SPEF2: variants seen among roughly 807,000 people sequenced by gnomAD.
SPEF2 encodes sperm flagellar and cilia associated 2.
In SPEF2, 187 loss-of-function variants were observed where a neutral mutation model predicts 224.6. The observed-to-expected ratio is 0.83, with a 90% CI of 0.74 to 0.94. The LOEUF is 0.94. Ranked by LOEUF, SPEF2 falls within the 40% of genes least tolerant of loss-of-function variation. SPEF2 has a pLI of 0.00. For synonymous variants in SPEF2, 715 were observed against 707.3 expected (o/e 1.01, Z -0.17); for missense variants, 2,170 against 2,135.6 (o/e 1.02, Z -0.32).
chr5:35,707,134 C>T (rs1739932972), intron 18 of SPEF2, among the ~76,000 whole-genome samples: 1 of 152,128 alleles, frequency 6.6e-6, no homozygotes, highest in East Asian at 1.9e-4. Context: ...TAGCCCAGTG[C>T]TCTGTATTAA....
chr5:35,724,162 T>C (rs1350944023), intron 20 of SPEF2, among the ~76,000 whole-genome samples: 1 of 152,210 alleles, frequency 6.6e-6, no homozygotes, highest in Non-Finnish European at 1.5e-5. Context: ...AAGAAGTGTT[T>C]TGTTAAGAAC....
chr5:35,762,134 AATT>A (rs1376284834), intron 25 of SPEF2, among the ~76,000 whole-genome samples: 1 of 152,210 alleles, frequency 6.6e-6, no homozygotes, highest in Non-Finnish European at 1.5e-5. Flanking sequence ...TTATCATAAT[AATT>A]ATTATATTTG....
rs757526943 is a variant in SPEF2 at position 35,759,692 on chromosome 5, G to A, written c.3593G>A (p.Ser1198Asn). 2 of 1,597,856 alleles carry A rather than the reference G, an allele frequency of 1.3e-6. No homozygotes were observed. Among genetic ancestry groups the A allele is most frequent in the South Asian group, 1.1e-5 (1 of 88,652 alleles). The change falls in exon 25 of 37, where the codon AGT becomes AAT. Residue 1198 changes from serine (S) to asparagine (N), a missense_variant. Coordinates refer to ENST00000356031, the MANE Select transcript of SPEF2 (RefSeq NM_024867.4). ...CGAATCCCTTTGGTCCAACTGGATA[G>A]TAAAGACAATTCTGAAAGCCAGCTT... ...FTRIPLVQLD[S>N]KDNSESQLRI... is the part of the protein sequence containing the mutation.
rs375905885 is a variant in SPEF2, at chr5:35,700,729, T to C, written c.2375T>C (p.Met792Thr). 1.2e-5 allele frequency: 19 copies of C among 1,613,832 alleles called. No individual in the cohort carries two copies. The African/African-American group carries it at 2.3e-4, about 19-fold the overall frequency. The change falls in exon 16 of 37, where the codon ATG (methionine) becomes ACG (threonine). Residue 792 changes from methionine (M) to threonine (T), a missense_variant. Physicochemically the swap from Met to Thr is moderately conservative, Grantham distance 81. Coordinates refer to ENST00000356031, the MANE Select transcript of SPEF2 (RefSeq NM_024867.4). ...ILLDVSDTSS[M>T]SRMNDIIAEE... ...TTAGATGTTTCAGATACTTCCTCAA[T>C]GAGTCGCATGAATGATATTATAGGT...
intron 34 of SPEF2, among the ~76,000 whole-genome samples, chr5:35,806,480 C>T (rs1180224631): frequency 6.6e-6 from 1 of 152,116 alleles, no homozygotes; most frequent in Non-Finnish European, 1.5e-5. Context: ...TAGGACACAC[C>T]CCACACTATA....
chr5:35,697,643 G>A (rs1324346383), intron 14 of SPEF2, 47 bp from the exon 15 acceptor site: 6 of 1,479,436 alleles, frequency 4.1e-6, no homozygotes, highest in Non-Finnish European at 4.7e-6. Flanking sequence ...TTTGGAATTT[G>A]ACTTTTAAAT....
rs201437642 is a variant in SPEF2, at chr5:35,691,067, G to T, written c.1555G>T (p.Glu519Ter). 8.1e-6 allele frequency: 13 copies of T among 1,613,834 alleles called. No homozygotes were observed. Among genetic ancestry groups the T allele is most frequent in the Non-Finnish European group, 1.0e-5 (12 of 1,179,936 alleles). Residue 519 changes from glutamate to a stop codon, truncating the protein, a stop_gained, in exon 11 of 37, where the codon GAA becomes TAA. Coordinates refer to ENST00000356031, the MANE Select transcript of SPEF2 (RefSeq NM_024867.4). LOFTEE classifies it high-confidence loss of function. ...GGTTGGAGAGTGGGCCTTACCAGAA[G>T]AAATGGTTGACAATTTACCACCCTC... ...NMVGEWALPE[E>*]MVDNLPPSNN...
At chr5:35,807,868 C>A in intron 36 of SPEF2, 1 of 1,492,238 alleles carries the variant, frequency 6.7e-7, no homozygotes. Flanking sequence ...AGGCCTTTAA[C>A]AGCAGGGACT....
At chr5:35,799,511 T>G (rs75947136) in intron 33 of SPEF2, among the ~76,000 whole-genome samples, 3,334 of 152,282 alleles carry the variant, frequency 0.022, 55 homozygotes, top group African/African-American at 0.052. Context: ...GTTTAAAGAC[T>G]TTTTAATGGC....
At chr5:35,640,469 C>T (rs1224310207) in intron 2 of SPEF2, among the ~76,000 whole-genome samples, 2 of 152,152 alleles carry the variant, frequency 1.3e-5, no homozygotes, top group African/African-American at 4.8e-5. Context: ...CAATCATATT[C>T]CTCAAAACAT....
intron 21 of SPEF2, among the ~76,000 whole-genome samples, chr5:35,728,111 G>A (rs1259560161): frequency 6.6e-6 from 1 of 152,168 alleles, no homozygotes; most frequent in Non-Finnish European, 1.5e-5. Flanking sequence ...CAGATTCCTG[G>A]AAGAATGACT....
rs1406116686 is a variant in SPEF2 at position 35,788,216 on chromosome 5, A to G, written c.4448-4124A>G. 8 of 702,942 alleles carry G rather than the reference A, an allele frequency of 1.1e-5. No homozygotes were observed. In the African/African-American group the frequency reaches 1.2e-4, roughly 11 times the overall value. The allele number at this position is 702,942 out of a possible 1,614,324, so 43.5% of individuals were successfully genotyped here. ...CACCACCAAACTAATGATGAGGACC[A>G]TGAGCAAAGTAACCCTCGGGAGAGT... On this transcript the variant is annotated intron_variant, in intron 30 of 36. Coordinates refer to ENST00000356031, the MANE Select transcript of SPEF2 (RefSeq NM_024867.4).
At chr5:35,640,284 TCTGACAGATGGCTC>T (rs1299847618) in intron 2 of SPEF2, among the ~76,000 whole-genome samples, 1 of 152,100 alleles carries the variant, frequency 6.6e-6, no homozygotes, top group Non-Finnish European at 1.5e-5. Context: ...AGACCAAAGC[TCTGACAGATGGCTC>T]TCAGTTCACA....
intron 2 of SPEF2, among the ~76,000 whole-genome samples, chr5:35,632,447 T>TGGG (rs1032813012): frequency 4.6e-5 from 7 of 152,150 alleles, no homozygotes; most frequent in Admixed American, 4.6e-4. Flanking sequence ...TGGGGGAAGC[T>TGGG]GTCTCCATGA....
At chr5:35,771,470 T>C in intron 26 of SPEF2, 139 bp from the exon 27 acceptor site, 1 of 1,101,034 alleles carries the variant, frequency 9.1e-7, no homozygotes, top group Non-Finnish European at 1.2e-6. Flanking sequence ...GTGGGGTGTG[T>C]TTTGTAAAGT....
At chr5:35,713,009 TA>T in intron 20 of SPEF2, 123 bp downstream of exon 20, 1 of 896,194 alleles carries the variant, frequency 1.1e-6, no homozygotes. Context: ...TTGTAAATCA[TA>T]AGCCCTTGCC....
intron 27 of SPEF2, 125 bp downstream of exon 27, chr5:35,771,881 A>G (rs1752903858): frequency 4.3e-6 from 5 of 1,167,252 alleles, no homozygotes; most frequent in South Asian, 2.3e-5. Context: ...GGTTTAAACT[A>G]GAGACCCGGG....
intron 6 of SPEF2, among the ~76,000 whole-genome samples, chr5:35,651,928 T>C (rs1748242893): frequency 6.6e-6 from 1 of 152,210 alleles, no homozygotes; most frequent in Admixed American, 6.5e-5. Flanking sequence ...TTTAGATGAA[T>C]AATAAATCCT....
intron 10 of SPEF2, among the ~76,000 whole-genome samples, chr5:35,688,828 C>T (rs1490580948): frequency 2.0e-5 from 3 of 152,162 alleles, no homozygotes; most frequent in Non-Finnish European, 4.4e-5. Flanking sequence ...ATGAAAACAA[C>T]AGTATATGCT....
Sources: allele counts gnomAD v4.1 joint callset (sites outside exome capture counted in the v4.1 genomes callset), GRCh38; gene constraint gnomAD v4.1.1; transcripts MANE v1.5; gene names NCBI Gene and HGNC (gene_info 2026-07-23, HGNC 2026-07-21).